The following RXFP2 variants were observed in gnomAD, a reference collection of about 807,000 sequenced individuals.
The protein encoded by RXFP2 is relaxin family peptide receptor 2, also known as relaxin receptor 2.
In RXFP2, 68 loss-of-function variants were observed where a neutral mutation model predicts 88.6. That is an observed-to-expected ratio of 0.77 (90% CI 0.63 to 0.94). The LOEUF is 0.94. Ranked by LOEUF, RXFP2 falls within the 40% of genes least tolerant of loss-of-function variation. The pLI is 0.00. For synonymous variants in RXFP2, 329 were observed against 306.8 expected (o/e 1.07, Z -0.76); for missense variants, 791 against 893.9 (o/e 0.88, Z 1.47).
At chr13:31,758,172 A>G in intron 1 of RXFP2, 86 bp from the exon 2 acceptor site, 3 of 1,360,082 alleles carry the variant, frequency 2.2e-6, no homozygotes, top group South Asian at 1.2e-5. Context: ...AACTCAACTC[A>G]TATAGCTCTT....
intron 9 of RXFP2, 67 bp downstream of exon 9, chr13:31,778,650 T>C (rs1310282269): frequency 6.4e-6 from 7 of 1,092,670 alleles, no homozygotes; most frequent in Non-Finnish European, 9.9e-6. Context: ...TAAAGTTAAT[T>C]CAAGGTTACC....
At chr13:31,749,233 G>A (rs964891816) in intron 1 of RXFP2, among the ~76,000 whole-genome samples, 4 of 151,988 alleles carry the variant, frequency 2.6e-5, no homozygotes, top group Non-Finnish European at 4.4e-5. Context: ...CTCCTCTGTG[G>A]TACAAATGAT....
chr13:31,796,909 A>G (rs1874077370), intron 16 of RXFP2, among the ~76,000 whole-genome samples: 1 of 152,234 alleles, frequency 6.6e-6, no homozygotes, highest in South Asian at 2.1e-4. Context: ...TTGCTGTCTG[A>G]TGGTTCAATG....
rs866284672 is a variant in RXFP2 at position 31,778,469 on chromosome 13, G to A, written c.714-43G>A. 9 of 1,305,270 alleles carry A rather than the reference G, an allele frequency of 6.9e-6. No homozygotes were observed. The South Asian group carries it at 1.1e-4, about 16-fold the overall frequency. The allele number at this position is 1,305,270 out of a possible 1,614,324, so 80.9% of individuals were successfully genotyped here. A position where few individuals can be genotyped will look rare whatever the true frequency, so the allele number is the denominator to read the frequency against. ...ATAATAAAAAGACTGTCCTAAAAGT[G>A]TCATATCATTTTATTTCTAATTAAC... On this transcript the variant is annotated intron_variant, in intron 8 of 17. Coordinates refer to ENST00000298386, the MANE Select transcript of RXFP2 (RefSeq NM_130806.5).
Position 31,802,385 on chromosome 13 carries a change from A to G in RXFP2, c.2245A>G (p.Ile749Val), listed in dbSNP as rs1874394860. Residue 749 changes from isoleucine (I) to valine (V), a missense_variant, in exon 18 of 18, where the codon ATA becomes GTA. Transcript: ENST00000298386. The stretch of plus-strand genomic sequence containing the variant: ...GAACAAAATAACACTTGGAGACAGT[A>G]TAATGAAACCAGTTTCCTAGCAATC... ...VLNKITLGDSIMKPVS is the reference protein window; with the variant it reads ...VLNKITLGDSVMKPVS The G allele has an allele frequency of 1.2e-6, 2 of 1,614,120 alleles. No individual in the cohort carries two copies. The highest frequency in any genetic ancestry group is 1.7e-6 in the Non-Finnish European group (2 of 1,180,022).
chr13:31,758,461 G>A (rs1872081637), intron 2 of RXFP2, 57 bp downstream of exon 2: 2 of 1,590,084 alleles, frequency 1.3e-6, no homozygotes, highest in Non-Finnish European at 1.7e-6. Flanking sequence ...CCCCAAAACT[G>A]TGGGTCGGTT....
chr13:31,768,229 A>T (rs187159076), intron 5 of RXFP2, among the ~76,000 whole-genome samples: 16 of 152,288 alleles, frequency 1.1e-4, no homozygotes, highest in African/African-American at 3.8e-4. Context: ...GCTTCTCCCC[A>T]TGCAAGCTGC....
intron 1 of RXFP2, among the ~76,000 whole-genome samples, chr13:31,740,894 C>T (rs1471523944): frequency 2.6e-5 from 4 of 152,032 alleles, no homozygotes; most frequent in African/African-American, 4.8e-5. Flanking sequence ...TAAGGTCCTA[C>T]TTCAGAAGTT....
At chr13:31,772,738 G>T (rs1457661566) in intron 5 of RXFP2, among the ~76,000 whole-genome samples, 1 of 152,182 alleles carries the variant, frequency 6.6e-6, no homozygotes, top group Admixed American at 6.5e-5. Flanking sequence ...CATTATTTAA[G>T]AGTTTGAGTT....
Position 31,802,445 on chromosome 13 carries a change from A to G in RXFP2, c.*40A>G. On this transcript the variant is annotated 3_prime_UTR_variant, in exon 18 of 18. Transcript: ENST00000298386. ...CACTGGACTTTCAGTGGACTACCTA[A>G]AACAGGGGACAGCTTTTGGAAGATG... The G allele has an allele frequency of 6.2e-7, 1 of 1,604,292 alleles. No individual in the cohort carries two copies. The highest frequency in any genetic ancestry group is 8.5e-7 in the Non-Finnish European group (1 of 1,173,438).
chr13:31,802,116 T>G (rs554006634), intron 17 of RXFP2, 30 bp from the exon 18 acceptor site: 1 of 1,608,476 alleles, frequency 6.2e-7, no homozygotes. Context: ...AAACTTCAAC[T>G]TTTTTTTCAC....
chr13:31,778,421 C>A, intron 8 of RXFP2, 91 bp from the exon 9 acceptor site: 2 of 857,488 alleles, frequency 2.3e-6, no homozygotes, highest in Non-Finnish European at 3.9e-6. Flanking sequence ...TTAATTTTAG[C>A]ACGCAAGTTT....
Position 31,778,522 on chromosome 13 carries a change from A to C in RXFP2, c.724A>C (p.Asn242His), listed in dbSNP as rs1414262527. ...LNSLFFLSMV[N>H]NYLEALPKQM... Reference sequence around the variant, plus strand: ...TTTCTTTGTGTAAAGGTCTATGGTTAATAACTACTTAGAAGCTCTTCCCAA... The same window carrying C: ...TTTCTTTGTGTAAAGGTCTATGGTTCATAACTACTTAGAAGCTCTTCCCAA... Residue 242 changes from asparagine (N) to histidine (H), a missense_variant, in exon 9 of 18, where the codon AAT becomes CAT. Physicochemically the swap from Asn to His is moderately conservative, Grantham distance 68. Transcript: ENST00000298386. 2 of 1,605,966 alleles carry C rather than the reference A, an allele frequency of 1.2e-6. No individual in the cohort carries two copies. The highest frequency in any genetic ancestry group is 1.7e-6 in the Non-Finnish European group (2 of 1,172,854).
chr13:31,778,658 A>G (rs1046770449), intron 9 of RXFP2, 75 bp downstream of exon 9: 33 of 1,012,740 alleles, frequency 3.3e-5, no homozygotes, highest in Admixed American at 2.9e-4. Flanking sequence ...ATTCAAGGTT[A>G]CCTAGAAAGT....
At chr13:31,791,220 ACTC>A (rs1873774945) in intron 14 of RXFP2, among the ~76,000 whole-genome samples, 1 of 152,056 alleles carries the variant, frequency 6.6e-6, no homozygotes, top group Non-Finnish European at 1.5e-5. Context: ...ATAGAAACTA[ACTC>A]CTTCCAGACC....
chr13:31,801,373 G>A (rs1301808068), intron 17 of RXFP2, among the ~76,000 whole-genome samples: 1 of 151,968 alleles, frequency 6.6e-6, no homozygotes, highest in African/African-American at 2.4e-5. Context: ...GTTATCACCA[G>A]CCCCCTTTAA....
chr13:31,756,439 A>G (rs1266628567), intron 1 of RXFP2, among the ~76,000 whole-genome samples: 1 of 152,134 alleles, frequency 6.6e-6, no homozygotes, highest in African/African-American at 2.4e-5. Flanking sequence ...TCCTTCTGCT[A>G]TGTTAAAAAT....
intron 15 of RXFP2, 59 bp downstream of exon 15, chr13:31,792,094 C>T: frequency 8.4e-7 from 1 of 1,194,964 alleles, no homozygotes; most frequent in Non-Finnish European, 1.2e-6. Context: ...GTGCACTAGA[C>T]ATATATATGT....
chr13:31,758,079 C>T (rs1566217455), intron 1 of RXFP2, among the ~76,000 whole-genome samples, 179 bp from the exon 2 acceptor site: 1 of 151,798 alleles, frequency 6.6e-6, no homozygotes, highest in African/African-American at 2.4e-5. Context: ...AGCAAGACTC[C>T]GTCTAAAAAT....
Sources: allele counts gnomAD v4.1 joint callset (sites outside exome capture counted in the v4.1 genomes callset), GRCh38; gene constraint gnomAD v4.1.1; transcripts MANE v1.5; gene names NCBI Gene and HGNC (gene_info 2026-07-23, HGNC 2026-07-21).